MNAT1: variants seen among roughly 807,000 people sequenced by gnomAD.
The protein encoded by MNAT1 is CDK-activating kinase assembly factor MAT1.
Under a neutral mutation model 42.0 loss-of-function variants are expected in MNAT1, and 43 were observed. The ratio of observed to expected loss-of-function variants is 1.02; its 90% CI spans 0.80 to 1.32. The LOEUF is 1.32. Ranked by LOEUF, MNAT1 falls within the 40% of genes most tolerant of loss-of-function variation. MNAT1 has a pLI of 0.00. For synonymous variants in MNAT1, 118 were observed against 120.0 expected (o/e 0.98, Z 0.11); for missense variants, 306 against 350.4 (o/e 0.87, Z 1.01).
At chr14:60,835,990 T>C (rs2033379757) in intron 6 of MNAT1, among the ~76,000 whole-genome samples, 1 of 152,220 alleles carries the variant, frequency 6.6e-6, no homozygotes, top group South Asian at 2.1e-4. Flanking sequence ...AAATTGATCT[T>C]CTATCTCTGA....
At chr14:60,884,876 C>A (rs2034628397) in intron 7 of MNAT1, among the ~76,000 whole-genome samples, 1 of 152,024 alleles carries the variant, frequency 6.6e-6, no homozygotes, top group Non-Finnish European at 1.5e-5. Context: ...TCTTGTAAGA[C>A]AGGTCTGGTG....
At chr14:60,821,684 G>A (rs908581347) in intron 6 of MNAT1, among the ~76,000 whole-genome samples, 10 of 152,006 alleles carry the variant, frequency 6.6e-5, no homozygotes, top group Non-Finnish European at 1.2e-4. Context: ...CATTTTATAT[G>A]TACTTTTATT....
At chr14:60,877,223 A>T (rs558599280) in intron 6 of MNAT1, among the ~76,000 whole-genome samples, 1 of 151,992 alleles carries the variant, frequency 6.6e-6, no homozygotes, top group African/African-American at 2.4e-5. Context: ...TCATATACCT[A>T]TTGGCAATAT....
intron 7 of MNAT1, among the ~76,000 whole-genome samples, chr14:60,888,382 T>A (rs1329203290): frequency 6.6e-6 from 1 of 152,074 alleles, no homozygotes; most frequent in East Asian, 1.9e-4. Context: ...GAAAAGCCTT[T>A]GACAAAATTC....
At chr14:60,838,662 C>G (rs2033463375) in intron 6 of MNAT1, among the ~76,000 whole-genome samples, 1 of 152,058 alleles carries the variant, frequency 6.6e-6, no homozygotes, top group Non-Finnish European at 1.5e-5. Flanking sequence ...GGAGTCCCGC[C>G]CCATTCTGAG....
intron 7 of MNAT1, among the ~76,000 whole-genome samples, chr14:60,929,686 T>C (rs891343010): frequency 6.6e-6 from 1 of 152,140 alleles, no homozygotes; most frequent in Non-Finnish European, 1.5e-5. Flanking sequence ...TTTCCTGAAT[T>C]ACACATTTAG....
At chr14:60,963,470 G>A (rs2036632205) in intron 7 of MNAT1, among the ~76,000 whole-genome samples, 1 of 152,150 alleles carries the variant, frequency 6.6e-6, no homozygotes, top group East Asian at 1.9e-4. Flanking sequence ...GCTTTTTAGT[G>A]ATAGTTGTGT....
intron 7 of MNAT1, among the ~76,000 whole-genome samples, chr14:60,884,448 T>A (rs947661247): frequency 6.6e-6 from 1 of 152,202 alleles, no homozygotes; most frequent in South Asian, 2.1e-4. Flanking sequence ...CTTTTTAACA[T>A]GTTGTTGAAT....
chr14:60,816,561 T>A (rs986178974), intron 5 of MNAT1, among the ~76,000 whole-genome samples: 5 of 152,088 alleles, frequency 3.3e-5, no homozygotes, highest in Non-Finnish European at 7.4e-5. Context: ...TACAGGCAGT[T>A]CTTACTAAAA....
intron 7 of MNAT1, among the ~76,000 whole-genome samples, chr14:60,912,265 C>G (rs1457481744): frequency 6.6e-6 from 1 of 152,096 alleles, no homozygotes; most frequent in African/African-American, 2.4e-5. Context: ...TGGGTCTTGA[C>G]TCTTTATCCA....
At chr14:60,745,758 G>A (rs1896594676) in intron 1 of MNAT1, among the ~76,000 whole-genome samples, 1 of 152,090 alleles carries the variant, frequency 6.6e-6, no homozygotes, top group Non-Finnish European at 1.5e-5. Flanking sequence ...CTCAAAATTG[G>A]CAGTACCCTG....
chr14:60,924,627 T>C (rs1356282576), intron 7 of MNAT1, among the ~76,000 whole-genome samples: 1 of 23,420 alleles, frequency 4.3e-5, no homozygotes, highest in East Asian at 6.1e-4. Flanking sequence ...ACAAATAACA[T>C]CACCCTCCCT....
At chr14:60,782,708 T>G (rs1009687343) in intron 1 of MNAT1, among the ~76,000 whole-genome samples, 1 of 152,204 alleles carries the variant, frequency 6.6e-6, no homozygotes, top group Non-Finnish European at 1.5e-5. Context: ...TACCCCTATG[T>G]AGGTATTCTT....
intron 5 of MNAT1, 71 bp downstream of exon 5, chr14:60,812,198 A>T (rs1376506375): frequency 4.3e-6 from 6 of 1,401,218 alleles, no homozygotes; most frequent in Non-Finnish European, 5.7e-6. Flanking sequence ...AGGCTGGATG[A>T]TGGCATTTAA....
At chr14:60,859,066 TA>T (rs2034033638) in intron 6 of MNAT1, among the ~76,000 whole-genome samples, 1 of 152,238 alleles carries the variant, frequency 6.6e-6, no homozygotes, top group African/African-American at 2.4e-5. Context: ...TGTAGAGAAG[TA>T]AAGTTCTGGT....
At chr14:60,841,736 G>A (rs867519938) in intron 6 of MNAT1, among the ~76,000 whole-genome samples, 3 of 152,176 alleles carry the variant, frequency 2.0e-5, no homozygotes, top group African/African-American at 7.2e-5. Context: ...ATGCAGTTAA[G>A]TTAGCTATAA....
intron 1 of MNAT1, among the ~76,000 whole-genome samples, chr14:60,746,176 T>A (rs1896608891): frequency 6.6e-6 from 1 of 152,148 alleles, no homozygotes; most frequent in South Asian, 2.1e-4. Context: ...ATAGGTAACA[T>A]CCAGCCCCCT....
At chr14:60,757,329 C>T (rs1379785822) in intron 1 of MNAT1, among the ~76,000 whole-genome samples, 1 of 152,094 alleles carries the variant, frequency 6.6e-6, no homozygotes, top group African/African-American at 2.4e-5. Flanking sequence ...TGTATCAAGC[C>T]ACTATGAAAA....
intron 7 of MNAT1, among the ~76,000 whole-genome samples, chr14:60,930,427 G>A (rs1240005369): frequency 6.6e-6 from 1 of 151,994 alleles, no homozygotes; most frequent in African/African-American, 2.4e-5. Context: ...AGATATAATG[G>A]AGAGAAGTAT....
Sources: gnomAD v4.1 joint callset for allele counts (sites outside exome capture counted in the v4.1 genomes callset) on GRCh38, gnomAD v4.1.1 for gene constraint, MANE v1.5 for transcripts, NCBI Gene and HGNC (gene_info 2026-07-23, HGNC 2026-07-21) for gene names.